Variants in CAD observed in about 807,000 individuals in gnomAD.
The protein encoded by CAD is multifunctional protein CAD.
Under a neutral mutation model 237.2 loss-of-function variants are expected in CAD, and 81 were observed. The observed-to-expected ratio is 0.34, with a 90% confidence interval of 0.29 to 0.41. The LOEUF (loss-of-function observed/expected upper bound fraction) is 0.41. Among genes scored for constraint, CAD ranks in the 10% least tolerant of loss-of-function variants. CAD has a pLI of 1.00. For missense variants in CAD, 2,181 were observed against 2,951.7 expected (o/e 0.74, Z 6.05); for synonymous variants, 1,196 against 1,162.8 (o/e 1.03, Z -0.58).
chr2:27,232,813 T>TG lies in CAD; in HGVS notation c.2892+123dup. ...GTCCCTTACTTTGGTCATAGAGCTTTGGGGTGGGGGTCCTTTTAGGCCATC... is the reference window on the plus strand; with the variant it reads ...GTCCCTTACTTTGGTCATAGAGCTTTGGGGGTGGGGGTCCTTTTAGGCCATC... On this transcript the variant is annotated intron_variant, in intron 18 of 43. Transcript: ENST00000264705. This position sits in a 1 kb window ranked among gnomAD's most constrained non-coding sequence, Gnocchi z 4.1. The TG allele has an allele frequency of 7.6e-7, 1 of 1,312,966 alleles. No individual in the cohort carries two copies. The highest frequency in any genetic ancestry group is 1.1e-6 in the Non-Finnish European group (1 of 931,244). 81.3% of individuals were successfully genotyped at this position (1,312,966 alleles called of 1,614,324 possible). A position where few individuals can be genotyped will look rare whatever the true frequency, so the allele number is the denominator to read the frequency against.
Position 27,240,510 on chromosome 2 carries a change from C to G in CAD, c.5593+149C>G, listed in dbSNP as rs896416378. 26 of 1,527,064 alleles carry G rather than the reference C, an allele frequency of 1.7e-5. No individual in the cohort carries two copies. The highest frequency in any genetic ancestry group is 2.0e-5 in the Non-Finnish European group (22 of 1,123,242). 94.6% of individuals were successfully genotyped at this position (1,527,064 alleles called of 1,614,324 possible). A position where few individuals can be genotyped will look rare whatever the true frequency, so the allele number is the denominator to read the frequency against. ...TGCCATCCTTTGCCTAAACAAGTCT[C>G]CCCGGTGTGAGTAGACATCTCACAG... On this transcript the variant is annotated intron_variant, in intron 35 of 43. Transcript: ENST00000264705. This position sits in a 1 kb window ranked among gnomAD's most constrained non-coding sequence, Gnocchi z 4.6.
chr2:27,232,139 C>T lies in CAD; in HGVS notation c.2560C>T (p.Arg854Cys), dbSNP rs1023393582. ...ACATGCCCAGCTGCTAGAACAACACCGTGGACAGCCTTTGCCGCCAGACCT... is the reference window on the plus strand; with the variant it reads ...ACATGCCCAGCTGCTAGAACAACACTGTGGACAGCCTTTGCCGCCAGACCT... ...IAHAQLLEQH[R>C]GQPLPPDLLQ... The change falls in exon 17 of 44, where the codon CGT (arginine) becomes TGT (cysteine). Residue 854 changes from arginine to cysteine, a missense_variant. By Grantham distance (180) the Arg-to-Cys change is radical. Coordinates refer to ENST00000264705, the MANE Select transcript of CAD (RefSeq NM_004341.5). The surrounding 1 kb of genome is among the most constrained non-coding windows in gnomAD (Gnocchi z 4.1). The T allele has an allele frequency of 3.1e-6, 5 of 1,614,244 alleles. No homozygotes were observed. The highest frequency in any genetic ancestry group is 4.2e-6 in the Non-Finnish European group (5 of 1,180,046).
At position 27,222,547 on chromosome 2, in the gene CAD, C is replaced by T. The variant is rs996333330; in HGVS notation, c.524C>T (p.Ala175Val). Residue 175 changes from alanine (A) to valine (V), a missense_variant, in exon 5 of 44, where the codon GCC (alanine) becomes GTC (valine). By Grantham distance (64) the Ala-to-Val change is moderately conservative. This residue lies in a region of CAD where 314 missense variants were observed against 339.4 expected (regional missense o/e 0.93). Transcript: ENST00000264705. ...KTPRVFNTGGAPRILALDCGL... is the reference protein window; with the variant it reads ...KTPRVFNTGGVPRILALDCGL... ...CCACGGGTATTCAATACAGGGGGTG[C>T]CCCTCGGATCCTTGCTTTGGACTGT... is the stretch of plus-strand genomic sequence containing the variant. 2.2e-5 allele frequency: 35 copies of T among 1,613,968 alleles called. No individual in the cohort carries two copies. The Admixed American group carries it at 5.2e-4, about 24-fold the overall frequency.
In CAD at chr2:27,224,823, G is replaced by A; in HGVS notation, c.1333G>A (p.Gly445Arg). 1 of 1,614,134 alleles carries A rather than the reference G, an allele frequency of 6.2e-7. No homozygotes were observed. The highest frequency in any genetic ancestry group is 8.5e-7 in the Non-Finnish European group (1 of 1,180,004). Residue 445 changes from glycine (G) to arginine (R), a missense_variant, in exon 10 of 44, where the codon GGG (glycine) becomes AGG (arginine). Physicochemically the swap from Gly to Arg is moderately radical, Grantham distance 125 (BLOSUM62 -2). Coordinates refer to ENST00000264705, the MANE Select transcript of CAD (RefSeq NM_004341.5). ...TATTGCCACAGTGCAGACCTCCCAG[G>A]GGCTGGCCGACAAGGTCTATTTTCT... Reference protein sequence around the residue: ...PNIATVQTSQGLADKVYFLPI... With the variant: ...PNIATVQTSQRLADKVYFLPI...
In CAD at chr2:27,217,501, G is replaced by C; in HGVS notation, c.-51G>C. Reference sequence around the variant, plus strand: ...TCCTCACGTGGTTCCAGTGGAGTTTGCAGTCCTTCCCGCTTCTCCGTACTC... The same window carrying C: ...TCCTCACGTGGTTCCAGTGGAGTTTCCAGTCCTTCCCGCTTCTCCGTACTC... On this transcript the variant is annotated 5_prime_UTR_variant, in exon 1 of 44. Transcript: ENST00000264705. 2 of 1,461,802 alleles carry C rather than the reference G, an allele frequency of 1.4e-6. No homozygotes were observed. Among genetic ancestry groups the C allele is most frequent in the African/African-American group, 1.4e-5 (1 of 71,350 alleles). 90.6% of individuals were successfully genotyped at this position (1,461,802 alleles called of 1,614,324 possible).
chr2:27,237,638 A>G lies in CAD; in HGVS notation c.4564-80A>G, dbSNP rs1224922921. 5.1e-6 allele frequency: 8 copies of G among 1,573,070 alleles called. No homozygotes were observed. Among genetic ancestry groups the G allele is most frequent in the Admixed American group, 3.5e-5 (2 of 57,200 alleles). Reference sequence around the variant, plus strand: ...AGCCCTTTTCCTTCTGCCCCGCCCTATGGGCCCAGGCCACTGGTGCCAGGC... The same window carrying G: ...AGCCCTTTTCCTTCTGCCCCGCCCTGTGGGCCCAGGCCACTGGTGCCAGGC... On this transcript the variant is annotated intron_variant, in intron 28 of 43. Transcript: ENST00000264705. This position sits in a 1 kb window ranked among gnomAD's most constrained non-coding sequence, Gnocchi z 4.0.
In CAD at chr2:27,226,305, C is replaced by A; in HGVS notation, c.2017C>A (p.Pro673Thr). The change falls in exon 13 of 44, where the codon CCT (proline) becomes ACT (threonine). Residue 673 changes from proline to threonine, a missense_variant. Physicochemically the swap from Pro to Thr is conservative, Grantham distance 38. Around this residue, in one of 12 missense-constraint regions of CAD, gnomAD observed 385 missense variants for 535.1 expected, o/e 0.72. Transcript: ENST00000264705. ...GECNVQYALN[P>T]ESEQYYIIEV... ...GTGCAATGTGCAGTATGCCTTGAAC[C>A]CTGAGTCTGAGCAGGTAAGCTCTAG... 1 of 1,614,082 alleles carries A rather than the reference C, an allele frequency of 6.2e-7. No homozygotes were observed. Among genetic ancestry groups the A allele is most frequent in the South Asian group, 1.1e-5 (1 of 91,078 alleles).
At chr2:27,227,592 AT>A in intron 15 of CAD, 1 of 152,206 alleles carries the variant, frequency 6.6e-6, no homozygotes, top group African/African-American at 2.4e-5. Context: ...AAGACTGCCA[AT>A]TTTTTCCTTC....
At position 27,236,633 on chromosome 2, in the gene CAD, A is replaced by G. The variant is rs1262130712; in HGVS notation, c.4314+110A>G. 6.4e-7 allele frequency: 1 copy of G among 1,554,156 alleles called. No homozygotes were observed. Among genetic ancestry groups the G allele is most frequent in the Non-Finnish European group, 8.9e-7 (1 of 1,129,466 alleles). ...GCTAGTAATAAAGCTTTGTGGCTAC[A>G]GAGGGAGAGATGGTGGGTATAGAGT... On this transcript the variant is annotated intron_variant, in intron 26 of 43. Transcript: ENST00000264705. The surrounding 1 kb of genome is among the most constrained non-coding windows in gnomAD (Gnocchi z 4.1).
At position 27,236,979 on chromosome 2, in the gene CAD, C is replaced by A; in HGVS notation, c.4396+149C>A. 1.4e-6 allele frequency: 1 copy of A among 704,396 alleles called. No individual in the cohort carries two copies. The highest frequency in any genetic ancestry group is 2.5e-6 in the Non-Finnish European group (1 of 396,082). The allele number at this position is 704,396 out of a possible 1,614,324, so 43.6% of individuals were successfully genotyped here. ...CCAGAATGTTTCTCACTCTTTCATT[C>A]CTTAATCCACAGTGTCCACAGTGGC... On this transcript the variant is annotated intron_variant, in intron 27 of 43. Coordinates refer to ENST00000264705, the MANE Select transcript of CAD (RefSeq NM_004341.5). The surrounding 1 kb of genome is among the most constrained non-coding windows in gnomAD (Gnocchi z 4.1).
rs1449275392 is a variant in CAD, at chr2:27,241,341, T to G, written c.5828T>G (p.Val1943Gly). The G allele has an allele frequency of 6.2e-6, 10 of 1,614,058 alleles. No homozygotes were observed. The South Asian group carries it at 1.1e-4, about 18-fold the overall frequency. Residue 1943 changes from valine to glycine, a missense_variant, in exon 38 of 44, where the codon GTG (valine) becomes GGG (glycine). Val to Gly is a moderately radical substitution (Grantham distance 109). Around this residue, in one of 12 missense-constraint regions of CAD, gnomAD observed 203 missense variants for 284.5 expected, o/e 0.71. Transcript: ENST00000264705. This position sits in a 1 kb window ranked among gnomAD's most constrained non-coding sequence, Gnocchi z 4.6. ...TCTTAGATGTCTCACCTGTTCAATG[T>G]GGCACACACACTGCGTATGATGGTG... ...TKDQMSHLFNVAHTLRMMVQK... is the reference protein window; with the variant it reads ...TKDQMSHLFNGAHTLRMMVQK...
At chr2:27,218,085 G>A (rs41288815) in intron 2 of CAD, 69 bp downstream of exon 2, 1 of 1,411,072 alleles carries the variant, frequency 7.1e-7, no homozygotes, top group Non-Finnish European at 9.6e-7. Context: ...AGTGAAGTAG[G>A]AGACGTTGAC....
chr2:27,225,153 G>T lies in CAD; in HGVS notation c.1530G>T (p.Glu510Asp). The change falls in exon 11 of 44, where the codon GAG (glutamate) becomes GAT (aspartate). Residue 510 changes from glutamate (E) to aspartate (D), a missense_variant. Transcript: ENST00000264705. The part of the protein sequence containing the change: ...RVLGTPVETI[E>D]LTEDRRAFAA... ...TGGGCACACCAGTGGAGACCATTGA[G>T]CTGACCGAGGATCGACGGGCCTTTG... 6.2e-7 allele frequency: 1 copy of T among 1,614,194 alleles called. No individual in the cohort carries two copies. The highest frequency in any genetic ancestry group is 1.3e-5 in the African/African-American group (1 of 75,032).
At position 27,230,625 on chromosome 2, in the gene CAD, T is replaced by A. The variant is rs189086052; in HGVS notation, c.2288-843T>A. On this transcript the variant is annotated intron_variant, in intron 15 of 43. Coordinates refer to ENST00000264705, the MANE Select transcript of CAD (RefSeq NM_004341.5). ...TGGGCAACAAGAGCGAAAGTCCATC[T>A]AAAAAAAAAAAACCTATGAACCTAT... is the stretch of plus-strand genomic sequence containing the variant. 1.3e-3 allele frequency among the ~76,000 whole-genome samples: 183 copies of A among 142,798 alleles called. 1 individual carries two copies. The highest frequency in any genetic ancestry group is 2.3e-3 in the Admixed American group (33 of 14,286). 93.7% of individuals were successfully genotyped at this position (142,798 alleles called of 152,430 possible).
chr2:27,240,235 AAC>A lies in CAD; in HGVS notation c.5497-28_5497-27del. The A allele has an allele frequency of 2.1e-6, 3 of 1,454,764 alleles. No individual in the cohort carries two copies. The highest frequency in any genetic ancestry group is 2.8e-6 in the Non-Finnish European group (3 of 1,077,676). The allele number at this position is 1,454,764 out of a possible 1,614,324, so 90.1% of individuals were successfully genotyped here. A position where few individuals can be genotyped will look rare whatever the true frequency, so the allele number is the denominator to read the frequency against. On this transcript the variant is annotated intron_variant, in intron 34 of 43. Transcript: ENST00000264705. This position sits in a 1 kb window ranked among gnomAD's most constrained non-coding sequence, Gnocchi z 4.6. ...CTCCGTCTCAAAAGAAAAAAAAAAA[AAC>A]AACTCTGGGCCAACGTTATCCCTCC...
rs74628553 is a variant in CAD, at chr2:27,222,776, A to G, written c.638-90A>G. ...TGCAGTGAAGAAGATAGACATTGGG[A>G]CTTAACACTCTCATGGGCTGGGGGG... On this transcript the variant is annotated intron_variant, in intron 5 of 43. Transcript: ENST00000264705. 6,285 of 1,573,390 alleles carry G rather than the reference A, an allele frequency of 4.0e-3. 207 individuals carry two copies. The African/African-American group carries it at 0.071, about 18-fold the overall frequency.
At position 27,237,929 on chromosome 2, in the gene CAD, G is replaced by A. The variant is rs756331240; in HGVS notation, c.4728+47G>A. ...GGAGGCCACCACCCAGTGTCTCCTG[G>A]CTTGTGGGCCCCTGCCTAAGTGGGC... On this transcript the variant is annotated intron_variant, in intron 29 of 43. Coordinates refer to ENST00000264705, the MANE Select transcript of CAD (RefSeq NM_004341.5). The surrounding 1 kb of genome is among the most constrained non-coding windows in gnomAD (Gnocchi z 4.0). 1 of 1,579,056 alleles carries A rather than the reference G, an allele frequency of 6.3e-7. No individual in the cohort carries two copies. The highest frequency in any genetic ancestry group is 8.6e-7 in the Non-Finnish European group (1 of 1,160,036).
Position 27,223,560 on chromosome 2 carries a change from C to A in CAD, c.810-3C>A. On this transcript the variant is annotated splice_region_variant and splice_polypyrimidine_tract_variant and intron_variant, in intron 6 of 43. Coordinates refer to ENST00000264705, the MANE Select transcript of CAD (RefSeq NM_004341.5). ...CTGTGACTCGGCATGCTTCTACCTC[C>A]AGATATGGGAACCGAGGCCATAACC... 6.2e-7 allele frequency: 1 copy of A among 1,612,068 alleles called. No homozygotes were observed.
rs770923768 is a variant in CAD, at chr2:27,233,341, C to T, written c.3021C>T (p.Asn1007=). The change falls in exon 20 of 44, where the codon AAC becomes AAT. Residue 1007 remains asparagine, a synonymous_variant. Coordinates refer to ENST00000264705, the MANE Select transcript of CAD (RefSeq NM_004341.5). The surrounding 1 kb of genome is among the most constrained non-coding windows in gnomAD (Gnocchi z 6.3). ...EVVMDIYELE[N]PEGVILSMGG... ...TGATGGACATCTATGAGCTCGAGAA[C>T]CCTGAAGGTGTGATCCTATCCATGG... The T allele has an allele frequency of 5.6e-6, 9 of 1,614,108 alleles. No homozygotes were observed. In the African/African-American group the frequency reaches 9.3e-5, roughly 17 times the overall value.
Sources: gnomAD v4.1 joint callset for allele counts (sites outside exome capture counted in the v4.1 genomes callset) on GRCh38, gnomAD v4.1.1 for gene constraint, gnomAD v4.1.1 regional missense constraint, Gnocchi (gnomAD v3.1) non-coding constraint, MANE v1.5 for transcripts, NCBI Gene and HGNC (gene_info 2026-07-23, HGNC 2026-07-21) for gene names.